PNPLA7: variants seen among roughly 807,000 people sequenced by gnomAD.
PNPLA7 encodes the protein patatin like domain 7, lysophospholipase.
In PNPLA7, 153 loss-of-function variants were observed where a neutral mutation model predicts 161.7. The observed-to-expected ratio is 0.95, with a 90% confidence interval of 0.83 to 1.08. PNPLA7 has a LOEUF of 1.08. PNPLA7 is among the 50% of genes least tolerant of loss of function. The probability of loss-of-function intolerance (pLI) is 0.00; values close to 1 mark genes in which losing one functional copy is unlikely to be tolerated. For synonymous variants in PNPLA7, 809 were observed against 782.1 expected (o/e 1.03, Z -0.57); for missense variants, 1,739 against 1,856.6 (o/e 0.94, Z 1.16).
rs1255271944 is a variant in PNPLA7, at chr9:137,486,383, G to A, written c.2198-1647C>T. ...TGGCTCGGAGAACCAGCGCACAGCC[G>A]GCAATCATGTGCTCACAGGAAAATA... On this transcript the variant is annotated intron_variant, in intron 20 of 34. Transcript: ENST00000406427. This position sits in a 1 kb window ranked among gnomAD's most constrained non-coding sequence, Gnocchi z 6.0. Among the ~76,000 whole-genome samples, 2 of 152,074 alleles carry A rather than the reference G, an allele frequency of 1.3e-5. No homozygotes were observed. Among genetic ancestry groups the A allele is most frequent in the Admixed American group, 6.5e-5 (1 of 15,272 alleles).
Position 137,503,888 on chromosome 9 carries a change from GGAA to G in PNPLA7, c.1473+1723_1473+1725del, listed in dbSNP as rs746724423. ...AGGAGGAAGGAAGAAGAAAGAAGAA[GGAA>G]GAAGAAGAAGGAAGAAGAAAGAAGA... On this transcript the variant is annotated intron_variant, in intron 14 of 34. Coordinates refer to ENST00000406427, the MANE Select transcript of PNPLA7 (RefSeq NM_001098537.3). Among the ~76,000 whole-genome samples the G allele has an allele frequency of 4.9e-4, 20 of 40,892 alleles. No homozygotes were observed. The East Asian group carries it at 5.7e-3, about 12-fold the overall frequency. 26.8% of individuals were successfully genotyped at this position (40,892 alleles called of 152,430 possible).
chr9:137,516,280 C>T, intron 11 of PNPLA7: 1 of 977,948 alleles, frequency 1.0e-6, no homozygotes, highest in Non-Finnish European at 1.2e-6. Context: ...CTGGGATGGG[C>T]CACGCAGGGC....
intron 25 of PNPLA7, among the ~76,000 whole-genome samples, chr9:137,477,801 C>G (rs1037435864): frequency 6.6e-6 from 1 of 152,306 alleles, no homozygotes; most frequent in South Asian, 2.1e-4. Flanking sequence ...CTAAACTGGC[C>G]CTAATAAAAC....
intron 14 of PNPLA7, among the ~76,000 whole-genome samples, chr9:137,504,244 T>G (rs1833793732): frequency 1.3e-5 from 2 of 152,012 alleles, no homozygotes; most frequent in South Asian, 4.1e-4. Flanking sequence ...AGAGTTTCAC[T>G]CTTGTTGCCC....
chr9:137,550,035 C>T (rs1836764257), intron 1 of PNPLA7, 133 bp downstream of exon 1: 2 of 1,078,408 alleles, frequency 1.9e-6, no homozygotes, highest in East Asian at 2.4e-5. Flanking sequence ...TCCACCACTC[C>T]CACAGTCCTC....
intron 33 of PNPLA7, chr9:137,461,231 C>A: frequency 2.5e-6 from 1 of 400,542 alleles, no homozygotes; most frequent in Non-Finnish European, 4.6e-6. Flanking sequence ...AGCCTTCATT[C>A]CCATTTCCCA....
intron 8 of PNPLA7, among the ~76,000 whole-genome samples, chr9:137,531,591 C>A (rs1835584410): frequency 6.6e-6 from 1 of 152,184 alleles, no homozygotes; most frequent in African/African-American, 2.4e-5. Flanking sequence ...AGCTGTCACT[C>A]AGCCACGGAG....
At chr9:137,529,769 T>C (rs1835486647) in intron 8 of PNPLA7, among the ~76,000 whole-genome samples, 1 of 148,442 alleles carries the variant, frequency 6.7e-6, no homozygotes. Context: ...GCAACTCTCC[T>C]GCCTCAGCCC....
At position 137,467,625 on chromosome 9, in the gene PNPLA7, T is replaced by A; in HGVS notation, c.2883-152A>T. On this transcript the variant is annotated intron_variant, in intron 25 of 34. Coordinates refer to ENST00000406427, the MANE Select transcript of PNPLA7 (RefSeq NM_001098537.3). The surrounding 1 kb of genome is among the most constrained non-coding windows in gnomAD (Gnocchi z 5.1). ...CCAGATGCAGTTTAAAACCCCTCTTTCCGGGCTCACGCCTGTCATCTCAGC... is the reference window on the plus strand; with the variant it reads ...CCAGATGCAGTTTAAAACCCCTCTTACCGGGCTCACGCCTGTCATCTCAGC... 1 of 1,126,598 alleles carries A rather than the reference T, an allele frequency of 8.9e-7. No individual in the cohort carries two copies. Among genetic ancestry groups the A allele is most frequent in the Non-Finnish European group, 1.2e-6 (1 of 818,772 alleles). 69.8% of individuals were successfully genotyped at this position (1,126,598 alleles called of 1,614,324 possible).
At chr9:137,529,811 C>T (rs1276680643) in intron 8 of PNPLA7, among the ~76,000 whole-genome samples, 2 of 151,828 alleles carry the variant, frequency 1.3e-5, no homozygotes, top group East Asian at 3.9e-4. Context: ...GCACACACCA[C>T]CACACTTGGC....
intron 12 of PNPLA7, chr9:137,509,653 A>G: frequency 2.3e-6 from 1 of 427,944 alleles, no homozygotes; most frequent in Non-Finnish European, 4.8e-6. Context: ...TTTAGCTGGC[A>G]TGAGTGAGTT....
chr9:137,501,277 C>T (rs1473313149), intron 15 of PNPLA7, among the ~76,000 whole-genome samples: 2 of 152,342 alleles, frequency 1.3e-5, no homozygotes, highest in African/African-American at 4.8e-5. Context: ...GCCCCTCCCA[C>T]ACTGAGCCCC....
chr9:137,505,417 G>A (rs1047803445), intron 14 of PNPLA7, among the ~76,000 whole-genome samples, 197 bp downstream of exon 14: 5 of 152,178 alleles, frequency 3.3e-5, no homozygotes, highest in Admixed American at 3.3e-4. Flanking sequence ...CTTCGGCTTT[G>A]AGTTTGAACA....
rs1282810451 is a variant in PNPLA7, at chr9:137,521,538, C to T, written c.957+98G>A. On this transcript the variant is annotated intron_variant, in intron 10 of 34. Transcript: ENST00000406427. ...AAGACCACAGCTGTTGCTGGCACTG[C>T]CCCACCAGGCACTGGGCGCCTGCCG... is the stretch of plus-strand genomic sequence containing the variant. 3.4e-6 allele frequency: 4 copies of T among 1,169,304 alleles called. No homozygotes were observed. In the Middle Eastern group the frequency reaches 5.7e-4, roughly 167 times the overall value. 72.4% of individuals were successfully genotyped at this position (1,169,304 alleles called of 1,614,324 possible).
intron 28 of PNPLA7, among the ~76,000 whole-genome samples, chr9:137,463,819 TGAGCCCCTCACCCCAGGACTCAGG>T (rs1326538591): frequency 2.0e-5 from 3 of 151,960 alleles, no homozygotes; most frequent in South Asian, 2.1e-4. Flanking sequence ...CTGAACCAGG[TGAGCCCCTCACCCCAGGACTCAGG>T]GAGCCCCTCA....
Position 137,461,562 on chromosome 9 carries a change from TCAATGCGAGACA to T in PNPLA7, c.3803_3814del (p.Val1268_Ile1271del), listed in dbSNP as rs1218585141. 1 of 1,612,474 alleles carries T rather than the reference TCAATGCGAGACA, an allele frequency of 6.2e-7. No homozygotes were observed. The highest frequency in any genetic ancestry group is 2.2e-5 in the East Asian group (1 of 44,832). On this transcript the variant is annotated inframe_deletion, in exon 33 of 35. Coordinates refer to ENST00000406427, the MANE Select transcript of PNPLA7 (RefSeq NM_001098537.3). ...ATCCACCATGGCGGGCTTGGCGGGC[TCAATGCGAGACA>T]CAATTTCGGCAAGGTCCGTGAAGGA...
intron 12 of PNPLA7, among the ~76,000 whole-genome samples, chr9:137,511,677 C>G (rs1036768001): frequency 6.6e-6 from 1 of 152,230 alleles, no homozygotes; most frequent in Non-Finnish European, 1.5e-5. Flanking sequence ...TGCCCGCAGT[C>G]ATTGGAGGCT....
chr9:137,543,463 A>G lies in PNPLA7; in HGVS notation c.475T>C (p.Ser159Pro), dbSNP rs1455755484. ...TTTTTCAGCATGTACAGAACTTCCG[A>G]TGGCAGGTGAGAATTCTTCACGTCA... The part of the protein sequence containing the change: ...EFDVKNSHLP[S>P]EVLYMLKNVR... Residue 159 changes from serine (S) to proline (P), a missense_variant, in exon 6 of 35, where the codon TCG (serine) becomes CCG (proline). Around this residue, in one of 6 missense-constraint regions of PNPLA7, gnomAD observed 209 missense variants for 252.8 expected, o/e 0.83. Transcript: ENST00000406427. The surrounding 1 kb of genome is among the most constrained non-coding windows in gnomAD (Gnocchi z 6.9). 1.2e-6 allele frequency: 2 copies of G among 1,613,932 alleles called. No individual in the cohort carries two copies. Among genetic ancestry groups the G allele is most frequent in the African/African-American group, 1.3e-5 (1 of 74,914 alleles).
At position 137,523,499 on chromosome 9, in the gene PNPLA7, C is replaced by A. The variant is rs1197801118; in HGVS notation, c.748-642G>T. ...TTTCCATCTTCTAGAAATTGGTGGGCTCTAGAGAGAAAAGGCTGTTTTTAA... is the reference window on the plus strand; with the variant it reads ...TTTCCATCTTCTAGAAATTGGTGGGATCTAGAGAGAAAAGGCTGTTTTTAA... On this transcript the variant is annotated intron_variant, in intron 8 of 34. Coordinates refer to ENST00000406427, the MANE Select transcript of PNPLA7 (RefSeq NM_001098537.3). The surrounding 1 kb of genome is among the most constrained non-coding windows in gnomAD (Gnocchi z 4.4). Among the ~76,000 whole-genome samples the A allele has an allele frequency of 6.6e-6, 1 of 152,234 alleles. No homozygotes were observed. The highest frequency in any genetic ancestry group is 2.4e-5 in the African/African-American group (1 of 41,450).
Sources: allele counts gnomAD v4.1 joint callset (sites outside exome capture counted in the v4.1 genomes callset), GRCh38; gene constraint gnomAD v4.1.1; regional missense constraint gnomAD v4.1.1; non-coding constraint Gnocchi (gnomAD v3.1); transcripts MANE v1.5; gene names NCBI Gene and HGNC (gene_info 2026-07-23, HGNC 2026-07-21).